AUTS2: variants seen among roughly 807,000 people sequenced by gnomAD.
The protein encoded by AUTS2 is autism susceptibility gene 2 protein.
AUTS2 carries 17 observed loss-of-function variants against 112.4 expected under a neutral mutation model. The ratio of observed to expected loss-of-function variants is 0.15; its 90% confidence interval spans 0.10 to 0.23. The LOEUF (loss-of-function observed/expected upper bound fraction) is 0.23. AUTS2 is among the 10% of genes least tolerant of loss of function. The pLI is 1.00. For synonymous variants in AUTS2, 751 were observed against 702.7 expected (o/e 1.07, Z -1.09); for missense variants, 1,510 against 1,701.6 (o/e 0.89, Z 1.98).
chr7:70,211,379 G>A (rs565646596), intron 4 of AUTS2, among the ~76,000 whole-genome samples: 290 of 150,668 alleles, frequency 1.9e-3, no homozygotes, highest in African/African-American at 6.9e-3. Flanking sequence ...GCCGGGCGCG[G>A]TGGTTCACGC....
At chr7:70,462,572 C>G (rs933575322) in intron 5 of AUTS2, among the ~76,000 whole-genome samples, 7 of 152,120 alleles carry the variant, frequency 4.6e-5, no homozygotes, top group African/African-American at 1.7e-4. Flanking sequence ...TCCTGCACTT[C>G]TCTCTACATC....
At chr7:70,103,800 G>T (rs1804623428) in intron 2 of AUTS2, among the ~76,000 whole-genome samples, 2 of 151,614 alleles carry the variant, frequency 1.3e-5, no homozygotes, top group Non-Finnish European at 2.9e-5. Flanking sequence ...AGCCAAGCTA[G>T]TTGGGAGGCT....
chr7:70,703,587 T>G (rs1173576920), intron 6 of AUTS2, among the ~76,000 whole-genome samples: 1 of 151,870 alleles, frequency 6.6e-6, no homozygotes, highest in East Asian at 1.9e-4. Context: ...AGAAAAAAAT[T>G]TGGTTTACAG....
At chr7:70,403,151 C>G (rs1475984450) in intron 4 of AUTS2, among the ~76,000 whole-genome samples, 1 of 152,146 alleles carries the variant, frequency 6.6e-6, no homozygotes, top group Non-Finnish European at 1.5e-5. Context: ...TTTTATTAAG[C>G]CACCAGCTCT....
intron 5 of AUTS2, among the ~76,000 whole-genome samples, chr7:70,456,398 G>C (rs887463068): frequency 2.6e-5 from 4 of 152,248 alleles, no homozygotes; most frequent in Non-Finnish European, 5.9e-5. Flanking sequence ...AAATGAACAT[G>C]TTTGCTCTTA....
chr7:70,462,096 A>G (rs939056288), intron 5 of AUTS2, among the ~76,000 whole-genome samples: 1 of 152,030 alleles, frequency 6.6e-6, no homozygotes, highest in African/African-American at 2.4e-5. Context: ...TATGAGAAAT[A>G]CAAAAATTAT....
intron 4 of AUTS2, among the ~76,000 whole-genome samples, chr7:70,158,838 G>A (rs1339137398): frequency 6.6e-6 from 1 of 152,012 alleles, no homozygotes; most frequent in East Asian, 1.9e-4. Context: ...CAGAATAAAG[G>A]CAATAAATAT....
chr7:69,655,123 A>G (rs368919469), intron 1 of AUTS2, among the ~76,000 whole-genome samples: 1 of 152,150 alleles, frequency 6.6e-6, no homozygotes, highest in Non-Finnish European at 1.5e-5. Context: ...CTTGTTGACC[A>G]TTTGGCACTT....
chr7:70,218,267 A>G (rs1287448072), intron 4 of AUTS2, among the ~76,000 whole-genome samples: 2 of 152,216 alleles, frequency 1.3e-5, no homozygotes, highest in Non-Finnish European at 2.9e-5. Flanking sequence ...AGTGCTTTGA[A>G]GTGGATGACA....
chr7:70,251,650 A>G (rs1344856889), intron 4 of AUTS2, among the ~76,000 whole-genome samples: 1 of 152,126 alleles, frequency 6.6e-6, no homozygotes, highest in African/African-American at 2.4e-5. Flanking sequence ...CTTGACTGTC[A>G]TAATTTCTGT....
intron 6 of AUTS2, chr7:70,729,180 T>G: frequency 2.2e-6 from 1 of 456,602 alleles, no homozygotes. Context: ...TGGAGACCTG[T>G]GCCGGGGGTG....
intron 1 of AUTS2, among the ~76,000 whole-genome samples, chr7:69,860,915 G>A (rs1049388462): frequency 6.6e-6 from 1 of 152,142 alleles, no homozygotes; most frequent in African/African-American, 2.4e-5. Context: ...AACTTCAGAT[G>A]TCCGATGTCA....
chr7:70,683,553 G>A (rs1295608251), intron 5 of AUTS2, among the ~76,000 whole-genome samples: 2 of 152,228 alleles, frequency 1.3e-5, no homozygotes, highest in South Asian at 2.1e-4. Context: ...GAGGTGAGCC[G>A]AGAAACAACT....
intron 5 of AUTS2, among the ~76,000 whole-genome samples, chr7:70,587,236 C>G (rs1041942618): frequency 6.6e-6 from 1 of 152,182 alleles, no homozygotes; most frequent in East Asian, 1.9e-4. Context: ...TACCACCATG[C>G]GGGCTAATTT....
intron 1 of AUTS2, among the ~76,000 whole-genome samples, chr7:69,845,279 A>G (rs1792146671): frequency 6.6e-6 from 1 of 152,176 alleles, no homozygotes; most frequent in Non-Finnish European, 1.5e-5. Flanking sequence ...AAGCCTACAG[A>G]AGACTTGCCT....
intron 5 of AUTS2, among the ~76,000 whole-genome samples, chr7:70,618,489 C>A (rs1419678664): frequency 6.6e-6 from 1 of 152,200 alleles, no homozygotes; most frequent in African/African-American, 2.4e-5. Flanking sequence ...AAAACTAATT[C>A]TAGAAAGGAC....
intron 1 of AUTS2, among the ~76,000 whole-genome samples, chr7:69,844,980 T>C (rs902277997): frequency 1.3e-5 from 2 of 152,182 alleles, no homozygotes; most frequent in East Asian, 1.9e-4. Flanking sequence ...TAAGATGCTT[T>C]CAATTATGAG....
chr7:69,822,487 C>T (rs1791042631), intron 1 of AUTS2, among the ~76,000 whole-genome samples: 1 of 152,174 alleles, frequency 6.6e-6, no homozygotes, highest in African/African-American at 2.4e-5. Flanking sequence ...GCCTGCCTGC[C>T]TGCAAAGCCT....
At chr7:70,496,374 C>T (rs1585217006) in intron 5 of AUTS2, among the ~76,000 whole-genome samples, 4 of 133,516 alleles carry the variant, frequency 3.0e-5, no homozygotes, top group Admixed American at 7.5e-5. Flanking sequence ...CGATCACACA[C>T]CCCACTCACA....
Sources: gnomAD v4.1 joint callset for allele counts (sites outside exome capture counted in the v4.1 genomes callset) on GRCh38, gnomAD v4.1.1 for gene constraint, MANE v1.5 for transcripts, NCBI Gene and HGNC (gene_info 2026-07-23, HGNC 2026-07-21) for gene names.